The following SGCZ variants were observed in gnomAD, a reference collection of about 807,000 sequenced individuals.
SGCZ encodes sarcoglycan zeta.
In SGCZ, 40 loss-of-function variants were observed where a neutral mutation model predicts 41.3. The observed-to-expected ratio is 0.97, with a 90% confidence interval of 0.75 to 1.26. The LOEUF (loss-of-function observed/expected upper bound fraction) is 1.26. Ranked by LOEUF, SGCZ falls within the 50% of genes most tolerant of loss-of-function variation. The pLI, the probability that SGCZ is intolerant of heterozygous loss-of-function variation, is 0.00. For synonymous variants in SGCZ, 206 were observed against 137.5 expected, an observed-to-expected ratio of 1.50 and a Z score of -3.49; for missense variants, 552 against 369.8, an observed-to-expected ratio of 1.49 and a Z score of -4.04.
intron 1 of SGCZ, among the ~76,000 whole-genome samples, chr8:15,015,943 C>A (rs1362064389): frequency 6.6e-6 from 1 of 151,904 alleles, no homozygotes; most frequent in Non-Finnish European, 1.5e-5. Flanking sequence ...TTTCCATTTT[C>A]CTGACATGTA....
At chr8:14,244,184 TTCC>T (rs562013817) in intron 3 of SGCZ, among the ~76,000 whole-genome samples, 275 of 12,856 alleles carry the variant, frequency 0.021, no homozygotes, top group Middle Eastern at 0.094. Context: ...CTCTTCCTTC[TTCC>T]TCCTCCTCTT....
At chr8:14,649,821 G>C (rs1000380470) in intron 1 of SGCZ, among the ~76,000 whole-genome samples, 1 of 151,998 alleles carries the variant, frequency 6.6e-6, no homozygotes, top group African/African-American at 2.4e-5. Flanking sequence ...TCCACCCAAG[G>C]CAGGGCAAAG....
chr8:14,371,637 C>A (rs1325273499), intron 2 of SGCZ, among the ~76,000 whole-genome samples: 1 of 151,964 alleles, frequency 6.6e-6, no homozygotes, highest in Non-Finnish European at 1.5e-5. Context: ...TCATTCTGAC[C>A]CTGGCCCTAT....
chr8:15,060,112 G>A (rs928784518), intron 1 of SGCZ, among the ~76,000 whole-genome samples: 2 of 152,026 alleles, frequency 1.3e-5, no homozygotes, highest in African/African-American at 4.8e-5. Context: ...TCAATGTGGT[G>A]TTTCCTCAGG....
intron 1 of SGCZ, among the ~76,000 whole-genome samples, chr8:14,645,268 ATTTC>A (rs144941393): frequency 0.19 from 28,392 of 150,480 alleles, 3,143 homozygotes; most frequent in East Asian, 0.58. Flanking sequence ...TTGATGAAAT[ATTTC>A]TTTCTTATTG....
At chr8:14,400,414 C>T (rs1005368833) in intron 2 of SGCZ, among the ~76,000 whole-genome samples, 4 of 151,978 alleles carry the variant, frequency 2.6e-5, no homozygotes, top group Non-Finnish European at 5.9e-5. Context: ...GTTGCTACCA[C>T]TTTTGACTAT....
At chr8:14,542,861 T>A (rs1168115265) in intron 2 of SGCZ, among the ~76,000 whole-genome samples, 1 of 152,116 alleles carries the variant, frequency 6.6e-6, no homozygotes, top group Non-Finnish European at 1.5e-5. Context: ...CTATTTACGT[T>A]TAATCATCAA....
intron 3 of SGCZ, among the ~76,000 whole-genome samples, chr8:14,280,804 T>C (rs1413185538): frequency 2.4e-3 from 34 of 14,280 alleles, no homozygotes; most frequent in Admixed American, 0.013. Flanking sequence ...CTATAGGGTT[T>C]TTTTTTTTTT....
At chr8:14,199,204 T>C (rs1805375174) in intron 4 of SGCZ, among the ~76,000 whole-genome samples, 1 of 152,216 alleles carries the variant, frequency 6.6e-6, no homozygotes, top group Non-Finnish European at 1.5e-5. Context: ...AAAGAGAATG[T>C]GTCCCTAAGG....
At chr8:14,291,451 T>G (rs967374704) in intron 3 of SGCZ, among the ~76,000 whole-genome samples, 12 of 152,000 alleles carry the variant, frequency 7.9e-5, no homozygotes, top group African/African-American at 2.4e-4. Flanking sequence ...AAAAAATCAA[T>G]TGACCCTAGA....
intron 1 of SGCZ, among the ~76,000 whole-genome samples, chr8:14,722,495 T>G (rs1356559993): frequency 6.6e-6 from 1 of 152,100 alleles, no homozygotes; most frequent in African/African-American, 2.4e-5. Flanking sequence ...CTTAATATGT[T>G]GACATACTTT....
chr8:14,827,309 T>C (rs1319983939), intron 1 of SGCZ, among the ~76,000 whole-genome samples: 5 of 149,040 alleles, frequency 3.4e-5, no homozygotes, highest in Non-Finnish European at 7.4e-5. Flanking sequence ...CCATCTCAGC[T>C]CACTGCAACT....
intron 1 of SGCZ, among the ~76,000 whole-genome samples, chr8:14,712,166 C>G (rs1809540456): frequency 6.6e-6 from 1 of 152,196 alleles, no homozygotes. Flanking sequence ...TAACTAGAAA[C>G]TTTAAGACTA....
At chr8:14,453,788 C>T (rs1800665377) in intron 2 of SGCZ, among the ~76,000 whole-genome samples, 1 of 152,138 alleles carries the variant, frequency 6.6e-6, no homozygotes, top group Non-Finnish European at 1.5e-5. Flanking sequence ...ATCTACTTTG[C>T]AATGGTTTTC....
At chr8:14,262,221 C>G (rs529697249) in intron 3 of SGCZ, among the ~76,000 whole-genome samples, 3 of 152,170 alleles carry the variant, frequency 2.0e-5, no homozygotes, top group African/African-American at 7.2e-5. Context: ...TATTAACAGG[C>G]TAAAAAGCAA....
intron 1 of SGCZ, among the ~76,000 whole-genome samples, chr8:14,724,499 G>A (rs1398281562): frequency 6.6e-6 from 1 of 151,502 alleles, no homozygotes; most frequent in African/African-American, 2.4e-5. Context: ...GCATAAAATA[G>A]ACATGAAATT....
chr8:14,779,971 A>G (rs1300327206), intron 1 of SGCZ, among the ~76,000 whole-genome samples: 1 of 152,184 alleles, frequency 6.6e-6, no homozygotes, highest in Non-Finnish European at 1.5e-5. Flanking sequence ...TTTCTCACGG[A>G]CATATCAGGA....
intron 4 of SGCZ, among the ~76,000 whole-genome samples, chr8:14,204,680 G>A (rs984628504): frequency 3.3e-5 from 5 of 152,090 alleles, no homozygotes; most frequent in African/African-American, 7.2e-5. Context: ...CATCAGCGGC[G>A]CTGGGTAGAA....
chr8:14,121,129 T>C (rs1418340009), intron 5 of SGCZ, among the ~76,000 whole-genome samples: 1 of 152,110 alleles, frequency 6.6e-6, no homozygotes, highest in Admixed American at 6.5e-5. Context: ...TAGATATCCT[T>C]CTCACGGAAA....
Sources: gnomAD v4.1 joint callset for allele counts (sites outside exome capture counted in the v4.1 genomes callset) on GRCh38, gnomAD v4.1.1 for gene constraint, MANE v1.5 for transcripts, NCBI Gene and HGNC (gene_info 2026-07-23, HGNC 2026-07-21) for gene names.